The following SUMF1 variants were observed in gnomAD, a reference collection of about 807,000 sequenced individuals.
The protein encoded by SUMF1 is formylglycine-generating enzyme.
A neutral mutation model predicts 47.6 loss-of-function variants in SUMF1; 48 were observed. The observed-to-expected ratio is 1.01, with a 90% CI of 0.80 to 1.28. The LOEUF is 1.28. Ranked by LOEUF, SUMF1 falls within the 50% of genes most tolerant of loss-of-function variation. The probability of loss-of-function intolerance (pLI) is 0.00; values close to 1 mark genes in which losing one functional copy is unlikely to be tolerated. For synonymous variants in SUMF1, 230 were observed against 192.1 expected (o/e 1.20, Z -1.63); for missense variants, 571 against 485.4 (o/e 1.18, Z -1.66).
At chr3:4,277,989 G>A (rs1697453114) in intron 8 of SUMF1, among the ~76,000 whole-genome samples, 1 of 152,116 alleles carries the variant, frequency 6.6e-6, no homozygotes, top group Non-Finnish European at 1.5e-5. Context: ...AAAAAATTAT[G>A]TAGAGAATGT....
In SUMF1 at chr3:4,058,666, T is replaced by C. The variant is rs114030334; in HGVS notation, c.1191+9903A>G. 4.0e-3 allele frequency among the ~76,000 whole-genome samples: 603 copies of C among 152,254 alleles called. 4 individuals carry two copies. The highest frequency in any genetic ancestry group is 0.014 in the African/African-American group (569 of 41,560). On this transcript the variant is annotated intron_variant and NMD_transcript_variant, in intron 9 of 12. Transcript: ENST00000448413. ...AGATAATATGTTGACATAGTATCTT[T>C]AAGCAAAAGAAAATACAAAACTGAA...
At chr3:4,131,560 T>G (rs1310315202) in intron 8 of SUMF1, among the ~76,000 whole-genome samples, 1 of 152,174 alleles carries the variant, frequency 6.6e-6, no homozygotes, top group Non-Finnish European at 1.5e-5. Context: ...GTTGTGCACT[T>G]TGCATGGAAG....
intron 7 of SUMF1, among the ~76,000 whole-genome samples, chr3:4,397,015 T>C (rs1490726924): frequency 6.6e-6 from 1 of 152,212 alleles, no homozygotes; most frequent in Non-Finnish European, 1.5e-5. Flanking sequence ...AACTTTCTCA[T>C]CATCTACTGG....
chr3:4,223,553 T>C (rs1279743903), intron 8 of SUMF1, among the ~76,000 whole-genome samples: 2 of 152,134 alleles, frequency 1.3e-5, no homozygotes, highest in Non-Finnish European at 2.9e-5. Context: ...TTTCGTGACA[T>C]GAGACAGAGG....
chr3:4,453,048 A>G lies in SUMF1; in HGVS notation c.272T>C (p.Met91Thr). 6.2e-7 allele frequency: 1 copy of G among 1,612,274 alleles called. No homozygotes were observed. The highest frequency in any genetic ancestry group is 1.7e-4 in the Middle Eastern group (1 of 6,060). The change falls in exon 2 of 9, where the codon ATG becomes ACG. Residue 91 changes from methionine to threonine, a missense_variant and splice_region_variant. Coordinates refer to ENST00000272902, the MANE Select transcript of SUMF1 (RefSeq NM_182760.4). ...AAATACTCCAGCAGGGATGGGGACC[A>G]TCTACAATGAAAGGTGAAACACAGG... is the stretch of plus-strand genomic sequence containing the variant. ...PGERQLAHSK[M>T]VPIPAGVFTM...
rs1176491930 is a variant in SUMF1, at chr3:4,457,075, CGT to C, written c.271-4028_271-4027del. Reference sequence around the variant, plus strand: ...ACGTGTGTGTATATATATATATATACGTGTGTGTATATATATATATTTTTTTT... The same window carrying C: ...ACGTGTGTGTATATATATATATATACGTGTGTATATATATATATTTTTTTT... On this transcript the variant is annotated intron_variant, in intron 1 of 8. Transcript: ENST00000272902. 2.3e-5 allele frequency among the ~76,000 whole-genome samples: 2 copies of C among 87,634 alleles called. 1 individual carries two copies. Among genetic ancestry groups the C allele is most frequent in the Non-Finnish European group, 5.5e-5 (2 of 36,046 alleles). 57.5% of individuals were successfully genotyped at this position (87,634 alleles called of 152,430 possible). A position where few individuals can be genotyped will look rare whatever the true frequency, so the allele number is the denominator to read the frequency against.
intron 8 of SUMF1, among the ~76,000 whole-genome samples, chr3:4,268,405 C>A (rs1000162077): frequency 2.0e-5 from 3 of 151,126 alleles, no homozygotes; most frequent in African/African-American, 7.3e-5. Context: ...GCACATTGTG[C>A]ACATGTAGCC....
At chr3:4,327,084 G>T (rs573099066) in intron 8 of SUMF1, among the ~76,000 whole-genome samples, 10 of 151,960 alleles carry the variant, frequency 6.6e-5, no homozygotes, top group Non-Finnish European at 1.3e-4. Context: ...GGCTCACAAG[G>T]GTATACTTTA....
chr3:4,417,805 C>G (rs1318633254), intron 5 of SUMF1, among the ~76,000 whole-genome samples: 5 of 152,222 alleles, frequency 3.3e-5, no homozygotes, highest in African/African-American at 1.2e-4. Flanking sequence ...AGGGAGCCCA[C>G]TTGGCCAGAC....
intron 8 of SUMF1, among the ~76,000 whole-genome samples, chr3:4,363,320 C>T (rs1171364749): frequency 6.6e-6 from 1 of 152,134 alleles, no homozygotes; most frequent in African/African-American, 2.4e-5. Context: ...GAACATCAAA[C>T]ATAGGAAAGG....
At chr3:4,298,865 C>A (rs1055037918) in intron 8 of SUMF1, among the ~76,000 whole-genome samples, 2 of 152,110 alleles carry the variant, frequency 1.3e-5, no homozygotes, top group African/African-American at 4.8e-5. Flanking sequence ...TGAAACAAAC[C>A]TTATCTCCAG....
At chr3:4,082,920 A>G (rs1326973553) in intron 8 of SUMF1, among the ~76,000 whole-genome samples, 2 of 152,158 alleles carry the variant, frequency 1.3e-5, no homozygotes, top group East Asian at 3.9e-4. Flanking sequence ...TTTCTGTGTA[A>G]TAAGTGCCCA....
At chr3:4,463,942 C>A (rs1451152842) in intron 1 of SUMF1, among the ~76,000 whole-genome samples, 2 of 152,166 alleles carry the variant, frequency 1.3e-5, no homozygotes, top group Non-Finnish European at 2.9e-5. Context: ...TATATTGTTT[C>A]CCAGACAATT....
At chr3:4,234,646 G>A (rs1696370296) in intron 8 of SUMF1, among the ~76,000 whole-genome samples, 1 of 152,064 alleles carries the variant, frequency 6.6e-6, no homozygotes, top group African/African-American at 2.4e-5. Flanking sequence ...AAATTTCCCT[G>A]CAAACACCTA....
intron 8 of SUMF1, among the ~76,000 whole-genome samples, chr3:4,265,498 G>A (rs902250835): frequency 2.0e-5 from 3 of 152,056 alleles, no homozygotes; most frequent in African/African-American, 7.3e-5. Context: ...AATTCTCAGT[G>A]TCTCTGCTAA....
chr3:4,358,096 CAGCCCATTTTCCATGA>C (rs1254597106), downstream of SUMF1, among the ~76,000 whole-genome samples: 4 of 152,210 alleles, frequency 2.6e-5, no homozygotes, highest in East Asian at 7.7e-4. Flanking sequence ...AGCATCTATG[CAGCCCATTTTCCATGA>C]AGAAAAGGTC....
chr3:4,244,682 C>G (rs1696620209), intron 8 of SUMF1, among the ~76,000 whole-genome samples: 1 of 152,278 alleles, frequency 6.6e-6, no homozygotes, highest in Non-Finnish European at 1.5e-5. Flanking sequence ...TCTGGCTGCC[C>G]TTAACATTTT....
intron 7 of SUMF1, among the ~76,000 whole-genome samples, chr3:4,394,086 G>C (rs781128290): frequency 7.2e-5 from 11 of 151,960 alleles, no homozygotes; most frequent in Non-Finnish European, 1.3e-4. Flanking sequence ...GGTTTTTTTT[G>C]AGATTTGATA....
intron 8 of SUMF1, among the ~76,000 whole-genome samples, chr3:4,197,603 T>C (rs1298546870): frequency 1.3e-5 from 2 of 152,104 alleles, no homozygotes; most frequent in Admixed American, 1.3e-4. Context: ...GGTAATAGAA[T>C]ACAGTTGGTC....
Sources: allele counts gnomAD v4.1 joint callset (sites outside exome capture counted in the v4.1 genomes callset), GRCh38; gene constraint gnomAD v4.1.1; transcripts MANE v1.5; gene names NCBI Gene and HGNC (gene_info 2026-07-23, HGNC 2026-07-21).